The following KCNIP4 variants were observed in gnomAD, a reference collection of about 807,000 sequenced individuals.
The protein encoded by KCNIP4 is potassium voltage-gated channel interacting protein 4.
KCNIP4 carries 12 observed loss-of-function variants against 34.0 expected under a neutral mutation model. The ratio of observed to expected loss-of-function variants is 0.35; its 90% CI spans 0.23 to 0.57. KCNIP4 has a LOEUF of 0.57. Among genes scored for constraint, KCNIP4 ranks in the 20% least tolerant of loss-of-function variants. KCNIP4 has a pLI of 0.83. For missense variants in KCNIP4, 238 were observed against 311.7 expected, an observed-to-expected ratio of 0.76 and a Z score of 1.78; for synonymous variants, 124 against 102.2, an observed-to-expected ratio of 1.21 and a Z score of -1.29.
At chr4:20,797,115 C>A (rs1332045377) in intron 3 of KCNIP4, among the ~76,000 whole-genome samples, 9 of 152,174 alleles carry the variant, frequency 5.9e-5, no homozygotes, top group Admixed American at 5.9e-4. Context: ...TGTCACCAGA[C>A]TTTTCTAAGG....
chr4:21,157,116 C>G (rs1375104090), intron 1 of KCNIP4, among the ~76,000 whole-genome samples: 1 of 152,060 alleles, frequency 6.6e-6, no homozygotes, highest in Non-Finnish European at 1.5e-5. Context: ...TCGTTTTACT[C>G]TCTGCAAAAG....
intron 1 of KCNIP4, among the ~76,000 whole-genome samples, chr4:21,561,620 C>T (rs922212329): frequency 5.9e-5 from 9 of 151,622 alleles, no homozygotes; most frequent in Non-Finnish European, 7.4e-5. Context: ...GGGAGTGGAC[C>T]GGTTTTATGC....
chr4:21,817,677 G>A (rs1275007597), intron 1 of KCNIP4, among the ~76,000 whole-genome samples: 1 of 152,124 alleles, frequency 6.6e-6, no homozygotes, highest in Non-Finnish European at 1.5e-5. Flanking sequence ...CTCTGGGAAT[G>A]TCTGTCTTAT....
intron 1 of KCNIP4, among the ~76,000 whole-genome samples, chr4:21,087,747 A>G (rs1038872258): frequency 2.0e-5 from 3 of 152,154 alleles, no homozygotes; most frequent in African/African-American, 7.2e-5. Flanking sequence ...TTCTGTTATC[A>G]TACATATCTG....
At chr4:21,684,178 T>C (rs1750635216) in intron 1 of KCNIP4, among the ~76,000 whole-genome samples, 1 of 152,094 alleles carries the variant, frequency 6.6e-6, no homozygotes, top group Non-Finnish European at 1.5e-5. Context: ...AAAATAAAAA[T>C]ACTGCTATCA....
chr4:21,399,687 C>T (rs1723309012), intron 1 of KCNIP4, among the ~76,000 whole-genome samples: 1 of 149,638 alleles, frequency 6.7e-6, no homozygotes, highest in African/African-American at 2.5e-5. Flanking sequence ...GATGGAGTCT[C>T]ACACTGTCGA....
chr4:21,269,722 T>C lies in KCNIP4; in HGVS notation c.62-387013A>G, dbSNP rs371218016. On this transcript the variant is annotated intron_variant, in intron 1 of 8. Transcript: ENST00000382152. ...GCTTCATTTTAGAGTGCTGGGTGAA[T>C]ACTGCCACATCTCGATAACCTAAAT... Among the ~76,000 whole-genome samples the C allele has an allele frequency of 5.6e-4, 86 of 152,214 alleles. 1 individual carries two copies. In the South Asian group the frequency reaches 0.012, roughly 21 times the overall value.
At chr4:21,616,747 G>A (rs533412526) in intron 1 of KCNIP4, among the ~76,000 whole-genome samples, 82 of 152,032 alleles carry the variant, frequency 5.4e-4, no homozygotes, top group African/African-American at 9.9e-4. Flanking sequence ...GTGTCTCTGC[G>A]TTTCTTCTTC....
chr4:21,814,535 G>GT (rs1721875407), intron 1 of KCNIP4, among the ~76,000 whole-genome samples: 1 of 152,136 alleles, frequency 6.6e-6, no homozygotes. Context: ...CCCCAGCCAT[G>GT]TGAAACTGTA....
intron 1 of KCNIP4, among the ~76,000 whole-genome samples, chr4:21,427,486 T>C (rs544891429): frequency 6.1e-4 from 93 of 152,238 alleles, no homozygotes; most frequent in Admixed American, 3.3e-3. Context: ...CTGCACTTCC[T>C]CCGTGGTCCC....
intron 1 of KCNIP4, among the ~76,000 whole-genome samples, chr4:21,193,462 A>G (rs1755826662): frequency 6.6e-6 from 1 of 152,192 alleles, no homozygotes; most frequent in Non-Finnish European, 1.5e-5. Flanking sequence ...CTGACTCCAA[A>G]GAGTCAAGAA....
intron 3 of KCNIP4, among the ~76,000 whole-genome samples, chr4:20,810,477 G>GAC (rs577527051): frequency 1.3e-5 from 2 of 151,892 alleles, no homozygotes; most frequent in South Asian, 4.2e-4. Flanking sequence ...GAGAGAGAGA[G>GAC]AGACAGAGAG....
chr4:21,349,975 C>T (rs941485125), intron 1 of KCNIP4, among the ~76,000 whole-genome samples: 1 of 152,140 alleles, frequency 6.6e-6, no homozygotes, highest in African/African-American at 2.4e-5. Flanking sequence ...TGTGGGTGGA[C>T]TAGAGTTATG....
intron 1 of KCNIP4, among the ~76,000 whole-genome samples, chr4:20,992,270 G>A (rs917585819): frequency 6.6e-6 from 1 of 152,112 alleles, no homozygotes; most frequent in Non-Finnish European, 1.5e-5. Flanking sequence ...TTCTTCACAG[G>A]GTGGCAGGAT....
At chr4:21,053,499 TA>T (rs1468735796) in intron 1 of KCNIP4, among the ~76,000 whole-genome samples, 2 of 152,170 alleles carry the variant, frequency 1.3e-5, no homozygotes, top group African/African-American at 4.8e-5. Flanking sequence ...AACATTGTGC[TA>T]GAAGTGCTAG....
chr4:21,553,588 C>G (rs1738756113), intron 1 of KCNIP4, among the ~76,000 whole-genome samples: 1 of 151,860 alleles, frequency 6.6e-6, no homozygotes, highest in Admixed American at 6.6e-5. Context: ...GTGAGGCACC[C>G]TGATGAGGCA....
chr4:21,666,989 T>TA (rs1235494260), intron 1 of KCNIP4, among the ~76,000 whole-genome samples: 5 of 152,142 alleles, frequency 3.3e-5, no homozygotes, highest in Non-Finnish European at 7.4e-5. Flanking sequence ...AAAAATGTTT[T>TA]AAAAAATCAT....
At chr4:20,845,231 C>T (rs1431513175) in intron 3 of KCNIP4, among the ~76,000 whole-genome samples, 2 of 152,148 alleles carry the variant, frequency 1.3e-5, no homozygotes, top group Non-Finnish European at 2.9e-5. Context: ...ATTCTGGGAG[C>T]CAGAAAGTCT....
At chr4:21,346,693 G>T (rs59616856) in intron 1 of KCNIP4, among the ~76,000 whole-genome samples, 11,029 of 151,918 alleles carry the variant, frequency 0.073, 1,205 homozygotes, top group African/African-American at 0.24. Flanking sequence ...AATCACCTGG[G>T]GAATCTTGTT....
Sources: allele counts gnomAD v4.1 joint callset (sites outside exome capture counted in the v4.1 genomes callset), GRCh38; gene constraint gnomAD v4.1.1; transcripts MANE v1.5; gene names NCBI Gene and HGNC (gene_info 2026-07-23, HGNC 2026-07-21).